Variants in TBC1D14 observed in about 807,000 individuals in gnomAD.
TBC1D14 encodes TBC1 domain family, member 14.
TBC1D14 carries 26 observed loss-of-function variants against 79.0 expected under a neutral mutation model. The observed-to-expected ratio is 0.33, with a 90% confidence interval of 0.24 to 0.46. TBC1D14 has a LOEUF of 0.46. Ranked by LOEUF, TBC1D14 falls within the 20% of genes least tolerant of loss-of-function variation. The pLI is 1.00. For synonymous variants in TBC1D14, 394 were observed against 349.9 expected (o/e 1.13, Z -1.40); for missense variants, 769 against 887.6 (o/e 0.87, Z 1.70).
intron 7 of TBC1D14, among the ~76,000 whole-genome samples, chr4:7,002,789 C>T (rs1367750339): frequency 1.3e-5 from 2 of 152,216 alleles, no homozygotes; most frequent in African/African-American, 4.8e-5. Context: ...GTTTCCAAGC[C>T]AGTGTAAGAA....
At chr4:7,027,620 CCACA>C (rs72304090) in intron 13 of TBC1D14, among the ~76,000 whole-genome samples, 34 of 130,710 alleles carry the variant, frequency 2.6e-4, no homozygotes, top group African/African-American at 8.1e-4. Flanking sequence ...ACAGTCACAT[CCACA>C]CACAATCACC....
intron 1 of TBC1D14, among the ~76,000 whole-genome samples, chr4:6,913,858 G>A (rs916628469): frequency 2.0e-5 from 3 of 152,162 alleles, no homozygotes; most frequent in African/African-American, 7.2e-5. Context: ...GCCAGGCGCT[G>A]TGGCTCATGC....
intron 12 of TBC1D14, among the ~76,000 whole-genome samples, chr4:7,015,752 C>T (rs1180162497): frequency 1.3e-5 from 2 of 152,152 alleles, no homozygotes; most frequent in African/African-American, 4.8e-5. Flanking sequence ...CCCATTATTG[C>T]CTTGTGGTCT....
intron 5 of TBC1D14, among the ~76,000 whole-genome samples, chr4:6,997,632 A>T (rs1356953334): frequency 6.6e-6 from 1 of 152,200 alleles, no homozygotes; most frequent in African/African-American, 2.4e-5. Context: ...TCTCAAAAAA[A>T]AATAATAAAA....
chr4:7,025,156 A>T lies in TBC1D14; in HGVS notation c.1910A>T (p.His637Leu), dbSNP rs759297792. 6.2e-7 allele frequency: 1 copy of T among 1,614,142 alleles called. No individual in the cohort carries two copies. The highest frequency in any genetic ancestry group is 8.5e-7 in the Non-Finnish European group (1 of 1,180,008). The change falls in exon 13 of 14, where the codon CAC becomes CTC. Residue 637 changes from histidine to leucine, a missense_variant. Physicochemically the swap from His to Leu is moderately conservative, Grantham distance 99. Coordinates refer to ENST00000409757, the MANE Select transcript of TBC1D14 (RefSeq NM_020773.3). ...ATCCTGACCAAGATGGACTTCATTC[A>T]CATGGCCCAGTTCCTGACCCGGCTG... ...EDILTKMDFI[H>L]MAQFLTRLPE... is the part of the protein sequence containing the mutation.
At chr4:6,944,885 G>A (rs556458021) in intron 2 of TBC1D14, among the ~76,000 whole-genome samples, 9 of 152,090 alleles carry the variant, frequency 5.9e-5, no homozygotes, top group Admixed American at 3.3e-4. Context: ...CTCCTCTCCC[G>A]TCTCCTCTGC....
rs748743805 is a variant in TBC1D14, at chr4:7,009,962, C to T, written c.1518+14C>T. The T allele has an allele frequency of 3.7e-6, 6 of 1,613,644 alleles. No homozygotes were observed. The South Asian group carries it at 4.4e-5, about 12-fold the overall frequency. On this transcript the variant is annotated intron_variant, in intron 10 of 13. Transcript: ENST00000409757. ...GATGTGGGTTATGTAAGTGAAGTTT[C>T]TCAGTATTTTATAATGTTGTTATCT...
At chr4:6,944,935 C>T (rs540787077) in intron 2 of TBC1D14, among the ~76,000 whole-genome samples, 1 of 152,222 alleles carries the variant, frequency 6.6e-6, no homozygotes, top group African/African-American at 2.4e-5. Flanking sequence ...GTGTCTTGCT[C>T]TTACTGGAGC....
rs1263376464 is a variant in TBC1D14, at chr4:7,030,357, G to C, written c.2047G>C (p.Glu683Gln). 6.2e-7 allele frequency: 1 copy of C among 1,613,950 alleles called. No individual in the cohort carries two copies. The highest frequency in any genetic ancestry group is 1.3e-5 in the African/African-American group (1 of 74,928). Residue 683 changes from glutamate to glutamine, a missense_variant, in exon 14 of 14, where the codon GAA becomes CAA. Glu to Gln is a conservative substitution (Grantham distance 29). This residue lies in a region of TBC1D14 where 367 missense variants were observed against 494.4 expected (regional missense o/e 0.74). Coordinates refer to ENST00000409757, the MANE Select transcript of TBC1D14 (RefSeq NM_020773.3). ...GACTGCATTGCAGAAAGACAGCCGGGAAATGGAGAAGGGAAGTCCGTCCCT... is the reference window on the plus strand; with the variant it reads ...GACTGCATTGCAGAAAGACAGCCGGCAAATGGAGAAGGGAAGTCCGTCCCT... ...VLTALQKDSR[E>Q]MEKGSPSLRH
intron 2 of TBC1D14, among the ~76,000 whole-genome samples, chr4:6,924,877 A>C (rs1377792457): frequency 6.6e-6 from 1 of 152,016 alleles, no homozygotes; most frequent in Middle Eastern, 3.2e-3. Context: ...GTCATGACTT[A>C]GGGTGGGCTT....
At chr4:7,007,588 A>G (rs1183071120) in intron 9 of TBC1D14, 1 of 1,289,286 alleles carries the variant, frequency 7.8e-7, no homozygotes, top group Admixed American at 2.3e-5. Context: ...AAAGAGAGGG[A>G]ATCTACAAAG....
In TBC1D14 at chr4:6,923,750, G is replaced by C; in HGVS notation, c.361G>C (p.Glu121Gln). Residue 121 changes from glutamate to glutamine, a missense_variant, in exon 2 of 14, where the codon GAA (glutamate) becomes CAA (glutamine). By Grantham distance (29) the Glu-to-Gln change is conservative. Coordinates refer to ENST00000409757, the MANE Select transcript of TBC1D14 (RefSeq NM_020773.3). ...APPAPSSTEREQSVRKSSTFP... is the reference protein window; with the variant it reads ...APPAPSSTERQQSVRKSSTFP... ...ACCAGCTCCTAGCAGCACCGAGCGG[G>C]AACAGAGCGTGCGCAAATCCTCCAC... 6.2e-7 allele frequency: 1 copy of C among 1,614,016 alleles called. No homozygotes were observed. Among genetic ancestry groups the C allele is most frequent in the Non-Finnish European group, 8.5e-7 (1 of 1,180,050 alleles).
intron 2 of TBC1D14, among the ~76,000 whole-genome samples, chr4:6,928,251 G>A (rs1724440546): frequency 6.6e-6 from 1 of 152,180 alleles, no homozygotes; most frequent in Non-Finnish European, 1.5e-5. Context: ...GGGAGGTGGG[G>A]GCACCTGGCT....
At chr4:6,970,970 T>C (rs568825635) in intron 3 of TBC1D14, among the ~76,000 whole-genome samples, 1 of 127,440 alleles carries the variant, frequency 7.8e-6, no homozygotes, top group South Asian at 2.8e-4. Flanking sequence ...GAGCCTGTGG[T>C]TGAACTGGGG....
chr4:7,000,160 G>A (rs952942509), intron 6 of TBC1D14, among the ~76,000 whole-genome samples: 3 of 152,078 alleles, frequency 2.0e-5, no homozygotes, highest in African/African-American at 7.2e-5. Context: ...ACCTGTTCTC[G>A]CATGGGATCT....
chr4:7,001,296 T>G (rs777142692), intron 7 of TBC1D14, 45 bp downstream of exon 7: 1 of 1,510,634 alleles, frequency 6.6e-7, no homozygotes, highest in Non-Finnish European at 9.2e-7. Flanking sequence ...CCAGGCCCTT[T>G]GGCTTCTTCT....
intron 2 of TBC1D14, among the ~76,000 whole-genome samples, chr4:6,942,650 T>TA (rs1193980763): frequency 6.6e-6 from 1 of 152,186 alleles, no homozygotes; most frequent in Non-Finnish European, 1.5e-5. Context: ...ATCTGGGTGT[T>TA]AAACACATTT....
chr4:6,977,999 G>C (rs1490679180), intron 3 of TBC1D14, among the ~76,000 whole-genome samples: 1 of 151,002 alleles, frequency 6.6e-6, no homozygotes, highest in Non-Finnish European at 1.5e-5. Flanking sequence ...GAGCCCCTCC[G>C]CCCGGCAGCC....
chr4:7,024,482 C>T (rs768322382), intron 12 of TBC1D14, among the ~76,000 whole-genome samples: 5 of 152,246 alleles, frequency 3.3e-5, no homozygotes, highest in East Asian at 1.9e-4. Context: ...CAGAGATTGC[C>T]GGACAGGGCA....
Sources: allele counts gnomAD v4.1 joint callset (sites outside exome capture counted in the v4.1 genomes callset), GRCh38; gene constraint gnomAD v4.1.1; regional missense constraint gnomAD v4.1.1; transcripts MANE v1.5; gene names NCBI Gene and HGNC (gene_info 2026-07-23, HGNC 2026-07-21).